Variants in ACACA observed in about 807,000 individuals in gnomAD.
ACACA encodes the protein acetyl-CoA carboxylase alpha.
A neutral mutation model predicts 296.1 loss-of-function variants in ACACA; 103 were observed. The ratio of observed to expected loss-of-function variants is 0.35; its 90% CI spans 0.30 to 0.41. The LOEUF is 0.41. Ranked by LOEUF, ACACA falls within the 10% of genes least tolerant of loss-of-function variation. The pLI, the probability that ACACA is intolerant of heterozygous loss-of-function variation, is 1.00. For missense variants in ACACA, 1,554 were observed against 2,989.7 expected (o/e 0.52, Z 11.20); for synonymous variants, 953 against 1,038.6 (o/e 0.92, Z 1.58).
chr17:37,313,149 G>C (rs189635506), intron 3 of ACACA, among the ~76,000 whole-genome samples: 28 of 152,132 alleles, frequency 1.8e-4, no homozygotes, highest in Admixed American at 1.2e-3. Flanking sequence ...AGAATTTTGG[G>C]GGGTTGCAGG....
intron 1 of ACACA, among the ~76,000 whole-genome samples, chr17:37,363,369 G>A (rs1025662746): frequency 4.0e-5 from 6 of 151,520 alleles, no homozygotes; most frequent in Admixed American, 2.0e-4. Context: ...TTTTAGGAGA[G>A]ACGCGGCTTC....
intron 14 of ACACA, among the ~76,000 whole-genome samples, chr17:37,255,274 T>C (rs2081177901): frequency 6.6e-6 from 1 of 152,116 alleles, no homozygotes; most frequent in Non-Finnish European, 1.5e-5. Flanking sequence ...ATTTAGATTA[T>C]GACCCATGGG....
At chr17:37,396,750 C>T (rs535777214) in intron 1 of ACACA, among the ~76,000 whole-genome samples, 1 of 152,234 alleles carries the variant, frequency 6.6e-6, no homozygotes, top group East Asian at 1.9e-4. Context: ...TTGCCCTGGA[C>T]AGGTTGAGAG....
intron 45 of ACACA, among the ~76,000 whole-genome samples, chr17:37,147,137 G>A (rs2075845061): frequency 1.3e-5 from 2 of 151,988 alleles, no homozygotes; most frequent in Admixed American, 1.3e-4. Flanking sequence ...TCAAAAATGT[G>A]GGGGTCAAAT....
intron 52 of ACACA, among the ~76,000 whole-genome samples, chr17:37,102,227 C>T (rs1418595003): frequency 8.9e-6 from 1 of 112,686 alleles, no homozygotes; most frequent in Non-Finnish European, 1.7e-5. Context: ...TTTTTTGAGA[C>T]GGAGTCTTGC....
chr17:37,214,963 G>A (rs1466734904), intron 29 of ACACA, among the ~76,000 whole-genome samples: 1 of 152,176 alleles, frequency 6.6e-6, no homozygotes, highest in African/African-American at 2.4e-5. Context: ...GAGAATGGCA[G>A]TTGGCTACCA....
In ACACA at chr17:37,370,949, A is replaced by G. The variant is rs969945251; in HGVS notation, c.39-31099T>C. ...TAGTGAACTGAGATTATGCCACTGC[A>G]CTCCAGCTTGGGCAACAGAGCAAGA... On this transcript the variant is annotated intron_variant, in intron 1 of 55. Coordinates refer to ENST00000616317, the MANE Select transcript of ACACA (RefSeq NM_198834.3). Among the ~76,000 whole-genome samples the G allele has an allele frequency of 4.0e-5, 6 of 151,140 alleles. No individual in the cohort carries two copies. In the South Asian group the frequency reaches 1.0e-3, roughly 26 times the overall value.
At chr17:37,240,425 T>A (rs1367192040) in intron 24 of ACACA, 51 bp downstream of exon 24, 1 of 1,547,134 alleles carries the variant, frequency 6.5e-7, no homozygotes, top group Non-Finnish European at 8.9e-7. Flanking sequence ...TTTGGGTTGG[T>A]TATCAGAATC....
chr17:37,374,180 G>A lies in ACACA; in HGVS notation c.38+32082C>T, dbSNP rs1449798907. On this transcript the variant is annotated intron_variant, in intron 1 of 55. Coordinates refer to ENST00000616317, the MANE Select transcript of ACACA (RefSeq NM_198834.3). ...TTGAGACCAACCTGGGCAACACAGT[G>A]AGACTGTGTCTCTACAAAACATAGC... 3.3e-5 allele frequency among the ~76,000 whole-genome samples: 5 copies of A among 152,152 alleles called. No homozygotes were observed. In the East Asian group the frequency reaches 5.8e-4, roughly 18 times the overall value.
At chr17:37,391,960 TC>T in intron 1 of ACACA, 1 of 536,198 alleles carries the variant, frequency 1.9e-6, no homozygotes, top group South Asian at 2.9e-5. Flanking sequence ...TACCTTTCCA[TC>T]CCCTCAAACG....
chr17:37,169,763 C>A (rs2076815228), intron 41 of ACACA, among the ~76,000 whole-genome samples: 1 of 152,190 alleles, frequency 6.6e-6, no homozygotes, highest in African/African-American at 2.4e-5. Flanking sequence ...GAGACCCCAT[C>A]ATTAAATCCC....
At chr17:37,399,055 C>T (rs758181274) in intron 1 of ACACA, among the ~76,000 whole-genome samples, 11 of 150,878 alleles carry the variant, frequency 7.3e-5, no homozygotes, top group Middle Eastern at 3.2e-3. Context: ...TCTCGGCTCA[C>T]GGCAACCTCT....
chr17:37,406,582 C>T lies in ACACA; in HGVS notation c.-283G>A. The T allele has an allele frequency of 3.5e-6, 2 of 575,918 alleles. No homozygotes were observed. The highest frequency in any genetic ancestry group is 3.0e-5 in the East Asian group (1 of 33,892). 35.7% of individuals were successfully genotyped at this position (575,918 alleles called of 1,614,324 possible). ...CCAAACCCAGGCAGTCCCGGCTCGGCCCGCCTCACCGCACTCCGGAGGGGA... is the reference window on the plus strand; with the variant it reads ...CCAAACCCAGGCAGTCCCGGCTCGGTCCGCCTCACCGCACTCCGGAGGGGA... On this transcript the variant is annotated 5_prime_UTR_variant, in exon 1 of 56. Coordinates refer to ENST00000616317, the MANE Select transcript of ACACA (RefSeq NM_198834.3).
chr17:37,358,516 G>GTC (rs749582208), intron 1 of ACACA, among the ~76,000 whole-genome samples: 9 of 152,230 alleles, frequency 5.9e-5, no homozygotes, highest in Non-Finnish European at 1.3e-4. Context: ...AGCAAGTGAG[G>GTC]TCTGCACCCC....
chr17:37,131,739 G>T (rs748334551), intron 45 of ACACA, among the ~76,000 whole-genome samples: 15 of 152,136 alleles, frequency 9.9e-5, no homozygotes, highest in Non-Finnish European at 1.8e-4. Context: ...TGACCCAATT[G>T]GCCTTGATTC....
intron 50 of ACACA, among the ~76,000 whole-genome samples, chr17:37,114,984 C>T (rs553123006): frequency 6.6e-6 from 1 of 152,248 alleles, no homozygotes; most frequent in South Asian, 2.1e-4. Flanking sequence ...TACAAACTAT[C>T]AGTGAGCACA....
intron 28 of ACACA, 102 bp downstream of exon 28, chr17:37,223,410 C>G: frequency 2.1e-6 from 2 of 949,508 alleles, no homozygotes; most frequent in Non-Finnish European, 3.5e-6. Context: ...TAAGAACCAA[C>G]CTTAAGGCCA....
intron 10 of ACACA, among the ~76,000 whole-genome samples, chr17:37,268,004 A>T (rs1239114903): frequency 6.6e-6 from 1 of 151,994 alleles, no homozygotes; most frequent in African/African-American, 2.4e-5. Context: ...TGACTTCTTA[A>T]TTTTAGTTAT....
chr17:37,334,967 A>C (rs987418774), intron 2 of ACACA, among the ~76,000 whole-genome samples: 1 of 152,138 alleles, frequency 6.6e-6, no homozygotes, highest in Non-Finnish European at 1.5e-5. Context: ...GATTAATCCC[A>C]GTTGTCCTGG....
Sources: allele counts gnomAD v4.1 joint callset (sites outside exome capture counted in the v4.1 genomes callset), GRCh38; gene constraint gnomAD v4.1.1; transcripts MANE v1.5; gene names NCBI Gene and HGNC (gene_info 2026-07-23, HGNC 2026-07-21).